BAIAP2L2: variants seen among roughly 807,000 people sequenced by gnomAD.
The protein encoded by BAIAP2L2 is BAR/IMD domain-containing adapter protein 2-like 2.
Under a neutral mutation model 60.4 loss-of-function variants are expected in BAIAP2L2, and 65 were observed. The ratio of observed to expected loss-of-function variants is 1.08; its 90% CI spans 0.88 to 1.32. The LOEUF is 1.32. BAIAP2L2 is among the 40% of genes most tolerant of loss of function. BAIAP2L2 has a pLI of 0.00. For synonymous variants in BAIAP2L2, 344 were observed against 301.7 expected, an observed-to-expected ratio of 1.14 and a Z score of -1.45; for missense variants, 836 against 741.2, an observed-to-expected ratio of 1.13 and a Z score of -1.48.
chr22:38,088,698 C>G, intron 10 of BAIAP2L2, 50 bp downstream of exon 10: 1 of 1,528,066 alleles, frequency 6.5e-7, no homozygotes, highest in Non-Finnish European at 8.8e-7. Context: ...TCCCGGCCCC[C>G]AGGGCCTTCT....
chr22:38,089,079 G>T lies in BAIAP2L2; in HGVS notation c.901+17C>A. 2 of 1,381,264 alleles carry T rather than the reference G, an allele frequency of 1.4e-6. No individual in the cohort carries two copies. The highest frequency in any genetic ancestry group is 1.9e-6 in the Non-Finnish European group (2 of 1,073,320). 85.6% of individuals were successfully genotyped at this position (1,381,264 alleles called of 1,614,324 possible). A position where few individuals can be genotyped will look rare whatever the true frequency, so the allele number is the denominator to read the frequency against. On this transcript the variant is annotated intron_variant, in intron 9 of 13. Coordinates refer to ENST00000381669, the MANE Select transcript of BAIAP2L2 (RefSeq NM_025045.6). Reference sequence around the variant, plus strand: ...CCTCTCCCGGCCCTCCTGCCGCCCCGGGGCGGGGGCACTCACAGGCCGACG... The same window carrying T: ...CCTCTCCCGGCCCTCCTGCCGCCCCTGGGCGGGGGCACTCACAGGCCGACG...
chr22:38,090,707 T>G (rs911294225), intron 7 of BAIAP2L2: 2 of 152,256 alleles, frequency 1.3e-5, no homozygotes, highest in African/African-American at 2.4e-5. Flanking sequence ...AAGAAGATAC[T>G]GAGGGTCAGA....
At chr22:38,085,407 G>A (rs1307291883) in intron 13 of BAIAP2L2, 32 bp from the exon 14 acceptor site, 1 of 1,600,448 alleles carries the variant, frequency 6.2e-7, no homozygotes, top group Non-Finnish European at 8.6e-7. Flanking sequence ...GGGGTGAGAA[G>A]GGCAGATGAT....
In BAIAP2L2 at chr22:38,084,950, G is replaced by C. The variant is rs971989291; in HGVS notation, c.*350C>G. 6 of 256,490 alleles carry C rather than the reference G, an allele frequency of 2.3e-5. No individual in the cohort carries two copies. The highest frequency in any genetic ancestry group is 1.3e-4 in the African/African-American group (6 of 44,624). The allele number at this position is 256,490 out of a possible 1,614,324, so 15.9% of individuals were successfully genotyped here. ...ATCATTTACAAAAGATGTACAGAGA[G>C]GGCATGTGTTGGGCACGGAGCAGGT... On this transcript the variant is annotated 3_prime_UTR_variant, in exon 14 of 14. Transcript: ENST00000381669.
At chr22:38,096,823 C>T (rs1488462825) in intron 7 of BAIAP2L2, among the ~76,000 whole-genome samples, 1 of 152,082 alleles carries the variant, frequency 6.6e-6, no homozygotes, top group Admixed American at 6.5e-5. Flanking sequence ...AACAATATCA[C>T]GAGTGAATAA....
intron 4 of BAIAP2L2, among the ~76,000 whole-genome samples, chr22:38,105,684 C>T (rs2086652467): frequency 6.6e-6 from 1 of 152,128 alleles, no homozygotes. Flanking sequence ...TTAAAAACTG[C>T]ACCCCCCAAA....
intron 1 of BAIAP2L2, among the ~76,000 whole-genome samples, chr22:38,110,225 A>C (rs1235939748): frequency 1.3e-5 from 2 of 149,214 alleles, no homozygotes; most frequent in African/African-American, 2.5e-5. Context: ...ATCCAGACTC[A>C]ACTCTCCCCA....
rs761403395 is a variant in BAIAP2L2, at chr22:38,098,012, G to A, written c.465+51C>T. 1.5e-5 allele frequency: 11 copies of A among 735,430 alleles called. No individual in the cohort carries two copies. The African/African-American group carries it at 1.8e-4, about 12-fold the overall frequency. 45.6% of individuals were successfully genotyped at this position (735,430 alleles called of 1,614,324 possible). ...TTCCCAGGGCCCGGTCTCGCCCCGAGGTCTGCCCACCCGCCCTTCCTGGCC... is the reference window on the plus strand; with the variant it reads ...TTCCCAGGGCCCGGTCTCGCCCCGAAGTCTGCCCACCCGCCCTTCCTGGCC... On this transcript the variant is annotated intron_variant, in intron 6 of 13. Coordinates refer to ENST00000381669, the MANE Select transcript of BAIAP2L2 (RefSeq NM_025045.6).
At chr22:38,110,144 AGAGAGG>A (rs1569234559) in intron 1 of BAIAP2L2, among the ~76,000 whole-genome samples, 3 of 111,764 alleles carry the variant, frequency 2.7e-5, no homozygotes, top group Non-Finnish European at 3.2e-5. Context: ...AGAGAGAGAG[AGAGAGG>A]GAGAGACAGA....
chr22:38,110,554 G>C lies in BAIAP2L2; in HGVS notation c.-29C>G. On this transcript the variant is annotated 5_prime_UTR_variant, in exon 1 of 14. Transcript: ENST00000381669. ...GGGGCTGTCCCGGGTCTGAGCAGGA[G>C]GCTGGGAGCTGGTGGCGATGGCACA... The C allele has an allele frequency of 1.3e-6, 2 of 1,590,964 alleles. No individual in the cohort carries two copies. Among genetic ancestry groups the C allele is most frequent in the Non-Finnish European group, 1.7e-6 (2 of 1,166,018 alleles).
At chr22:38,087,583 T>C (rs1601988949) in intron 10 of BAIAP2L2, among the ~76,000 whole-genome samples, 1 of 152,074 alleles carries the variant, frequency 6.6e-6, no homozygotes, top group Non-Finnish European at 1.5e-5. Context: ...CGTCCTCTGC[T>C]GTGGGTCTGT....
rs373842998 is a variant in BAIAP2L2, at chr22:38,097,071, G to A, written c.573C>T (p.His191=). Residue 191 remains histidine (H), a synonymous_variant, in exon 7 of 14, where the codon CAC becomes CAT. Coordinates refer to ENST00000381669, the MANE Select transcript of BAIAP2L2 (RefSeq NM_025045.6). ...KRRYRFLAEK[H]LLLSNTFLQF... ...GCAGGAAGGTGTTGGAAAGTAGCAG[G>A]TGCTTCTCTGCTAGGAAGCGATAGC... 1 of 1,614,062 alleles carries A rather than the reference G, an allele frequency of 6.2e-7. No homozygotes were observed. The highest frequency in any genetic ancestry group is 1.3e-5 in the African/African-American group (1 of 75,052).
intron 1 of BAIAP2L2, among the ~76,000 whole-genome samples, chr22:38,109,606 C>A (rs557708566): frequency 6.6e-6 from 1 of 152,308 alleles, no homozygotes; most frequent in Admixed American, 6.5e-5. Flanking sequence ...CCGGGCTACA[C>A]GCCTGGGGCT....
intron 4 of BAIAP2L2, among the ~76,000 whole-genome samples, chr22:38,107,376 G>A (rs2086685634): frequency 6.6e-6 from 1 of 152,142 alleles, no homozygotes. Context: ...CCGGGGGGCT[G>A]GGCTGTGTTG....
rs1315623350 is a variant in BAIAP2L2, at chr22:38,107,711, G to A, written c.276+141C>T. On this transcript the variant is annotated intron_variant, in intron 4 of 13. Transcript: ENST00000381669. Reference sequence around the variant, plus strand: ...GCTTGAACGACTATTGCAGGGAACCGTGCCCCACAGAGCCGGGTGCTGGGA... The same window carrying A: ...GCTTGAACGACTATTGCAGGGAACCATGCCCCACAGAGCCGGGTGCTGGGA... 22 of 751,056 alleles carry A rather than the reference G, an allele frequency of 2.9e-5. 1 individual carries two copies. Among genetic ancestry groups the A allele is most frequent in the Middle Eastern group, 2.4e-4 (1 of 4,206 alleles). 46.5% of individuals were successfully genotyped at this position (751,056 alleles called of 1,614,324 possible). A position where few individuals can be genotyped will look rare whatever the true frequency, so the allele number is the denominator to read the frequency against.
Position 38,088,908 on chromosome 22 carries a change from G to C in BAIAP2L2, c.958C>G (p.Pro320Ala), listed in dbSNP as rs1214170714. Residue 320 changes from proline (P) to alanine (A), a missense_variant, in exon 10 of 14, where the codon CCG (proline) becomes GCG (alanine). Transcript: ENST00000381669. ...CTCCTGGCGCCCCCGCCGCCGCCCG[G>C]GCGCTCGCCAAAGGAGTTGGAGCGC... Reference protein sequence around the residue: ...SSRSNSFGERPGGGGGARRVR... With the variant: ...SSRSNSFGERAGGGGGARRVR... The C allele has an allele frequency of 2.6e-6, 4 of 1,560,770 alleles. No individual in the cohort carries two copies. The African/African-American group carries it at 4.0e-5, about 16-fold the overall frequency.
intron 13 of BAIAP2L2, 37 bp downstream of exon 13, chr22:38,085,648 AC>A: frequency 6.2e-7 from 1 of 1,605,238 alleles, no homozygotes; most frequent in Non-Finnish European, 8.5e-7. Context: ...CGCACCTGCC[AC>A]CCTCCTCACT....
At chr22:38,103,004 C>G (rs567087829) in intron 4 of BAIAP2L2, among the ~76,000 whole-genome samples, 1 of 151,350 alleles carries the variant, frequency 6.6e-6, no homozygotes, top group South Asian at 2.1e-4. Context: ...CGATATCACA[C>G]CACTGCACTC....
Position 38,089,153 on chromosome 22 carries a change from T to TCGCGTCGGGCTCGGTGC in BAIAP2L2, c.827_843dup (p.Arg282AlafsTer12). 1 of 1,337,436 alleles carries TCGCGTCGGGCTCGGTGC rather than the reference T, an allele frequency of 7.5e-7. No individual in the cohort carries two copies. 82.8% of individuals were successfully genotyped at this position (1,337,436 alleles called of 1,614,324 possible). ...TCTGGCTCTAGCTGGGACGCGGGCC[T>TCGCGTCGGGCTCGGTGC]CGCGTCGGGCTCGGTGCCGTAGGAG... On this transcript the variant is annotated frameshift_variant, in exon 9 of 14. Transcript: ENST00000381669. LOFTEE classifies it high-confidence loss of function.
Sources: allele counts gnomAD v4.1 joint callset (sites outside exome capture counted in the v4.1 genomes callset), GRCh38; gene constraint gnomAD v4.1.1; transcripts MANE v1.5; gene names NCBI Gene and HGNC (gene_info 2026-07-23, HGNC 2026-07-21).